Variants in XRCC4 observed in about 807,000 individuals in gnomAD.
XRCC4 encodes DNA repair protein XRCC4.
XRCC4 carries 28 observed loss-of-function variants against 39.1 expected under a neutral mutation model. That is an observed-to-expected ratio of 0.72 (90% CI 0.53 to 0.98). XRCC4 has a LOEUF of 0.98. Among genes scored for constraint, XRCC4 ranks in the 50% least tolerant of loss-of-function variants. XRCC4 has a pLI of 0.00. For synonymous variants in XRCC4, 123 were observed against 126.4 expected, an observed-to-expected ratio of 0.97 and a Z score of 0.18; for missense variants, 350 against 376.4, an observed-to-expected ratio of 0.93 and a Z score of 0.58.
intron 7 of XRCC4, among the ~76,000 whole-genome samples, chr5:83,341,682 T>C (rs1462022734): frequency 6.6e-6 from 1 of 152,080 alleles, no homozygotes; most frequent in Non-Finnish European, 1.5e-5. Flanking sequence ...AATGGCCTAG[T>C]GTAAAGGGTA....
intron 3 of XRCC4, among the ~76,000 whole-genome samples, chr5:83,157,261 G>A (rs1358232249): frequency 6.6e-6 from 1 of 152,090 alleles, no homozygotes; most frequent in Admixed American, 6.6e-5. Flanking sequence ...AGGTCTCTGT[G>A]TGATCACACT....
intron 7 of XRCC4, among the ~76,000 whole-genome samples, chr5:83,339,217 T>C (rs1756683217): frequency 6.6e-6 from 1 of 152,240 alleles, no homozygotes; most frequent in Non-Finnish European, 1.5e-5. Context: ...CAGAATTTTA[T>C]AGATTATTTC....
chr5:83,343,050 A>G (rs1756810905), intron 7 of XRCC4, among the ~76,000 whole-genome samples: 1 of 150,278 alleles, frequency 6.7e-6, no homozygotes, highest in Admixed American at 6.7e-5. Flanking sequence ...TGTCCTAAAA[A>G]CAAACCGTAA....
chr5:83,143,503 T>C (rs1748284083), intron 3 of XRCC4, among the ~76,000 whole-genome samples: 1 of 152,158 alleles, frequency 6.6e-6, no homozygotes, highest in African/African-American at 2.4e-5. Flanking sequence ...TAACATTCTG[T>C]TGTGGAGTTG....
intron 6 of XRCC4, among the ~76,000 whole-genome samples, chr5:83,209,058 C>T (rs1414509878): frequency 6.7e-6 from 1 of 149,894 alleles, no homozygotes; most frequent in Non-Finnish European, 1.5e-5. Flanking sequence ...CCTGCTTAGT[C>T]TGGACTCCTC....
At chr5:83,207,464 GT>G (rs748638720) in intron 6 of XRCC4, among the ~76,000 whole-genome samples, 72 of 152,010 alleles carry the variant, frequency 4.7e-4, no homozygotes, top group Middle Eastern at 3.4e-3. Flanking sequence ...ATAGGTCTCT[GT>G]TTTTATTTTT....
At chr5:83,147,238 A>T (rs562822580) in intron 3 of XRCC4, among the ~76,000 whole-genome samples, 4 of 152,226 alleles carry the variant, frequency 2.6e-5, no homozygotes, top group African/African-American at 9.6e-5. Flanking sequence ...AGCCTGGGCA[A>T]CATAGCGAGG....
chr5:83,373,074 G>A, the XRCC4 span, among the ~76,000 whole-genome samples: 1 of 151,948 alleles, frequency 6.6e-6, no homozygotes, highest in Admixed American at 6.6e-5. Context: ...TTTGAACACT[G>A]ATAGTCCTTC....
intron 7 of XRCC4, among the ~76,000 whole-genome samples, chr5:83,306,742 T>C (rs772128344): frequency 2.0e-5 from 3 of 152,150 alleles, no homozygotes. Flanking sequence ...ATAAGACTGA[T>C]CGGGCAACAG....
chr5:83,182,886 C>A (rs1156808305), intron 3 of XRCC4, among the ~76,000 whole-genome samples: 1 of 152,142 alleles, frequency 6.6e-6, no homozygotes, highest in African/African-American at 2.4e-5. Context: ...TCTTAGACTT[C>A]CTAGCTCCTA....
chr5:83,230,342 C>T (rs528133254), intron 6 of XRCC4, among the ~76,000 whole-genome samples: 170 of 152,044 alleles, frequency 1.1e-3, no homozygotes, highest in African/African-American at 3.9e-3. Flanking sequence ...CCTACACAGG[C>T]GTTCTATCTC....
rs578179377 is a variant in XRCC4, at chr5:83,078,303, T to C, written c.-11+688T>C. On this transcript the variant is annotated intron_variant, in intron 1 of 7. Transcript: ENST00000396027. ...GGAGAAACAGGCGCTTTGACATGTT[T>C]GAATTTGCGTAGTTCTTGGAATTCT... 8.5e-5 allele frequency among the ~76,000 whole-genome samples: 13 copies of C among 152,384 alleles called. No individual in the cohort carries two copies. In the South Asian group the frequency reaches 2.7e-3, roughly 32 times the overall value.
intron 7 of XRCC4, among the ~76,000 whole-genome samples, chr5:83,310,439 A>G (rs1755666569): frequency 6.6e-6 from 1 of 152,214 alleles, no homozygotes; most frequent in Admixed American, 6.5e-5. Context: ...CAAGAAAAAG[A>G]GCCTCCTGGC....
At chr5:83,359,871 T>G in the XRCC4 span, among the ~76,000 whole-genome samples, 10 of 152,138 alleles carry the variant, frequency 6.6e-5, no homozygotes, top group Non-Finnish European at 5.9e-5. Flanking sequence ...TATGTGTAAT[T>G]TTCCTAATAT....
chr5:83,141,087 T>A (rs1256885040), intron 3 of XRCC4, among the ~76,000 whole-genome samples: 1 of 152,238 alleles, frequency 6.6e-6, no homozygotes, highest in African/African-American at 2.4e-5. Flanking sequence ...TGCATTTTGC[T>A]TTTTTACATA....
intron 6 of XRCC4, among the ~76,000 whole-genome samples, chr5:83,245,570 T>A (rs1380068231): frequency 6.6e-6 from 1 of 152,128 alleles, no homozygotes; most frequent in Non-Finnish European, 1.5e-5. Context: ...ACTTTTTGAA[T>A]AATTGCATAA....
intron 3 of XRCC4, among the ~76,000 whole-genome samples, chr5:83,195,093 A>G (rs1257914507): frequency 6.6e-6 from 1 of 152,128 alleles, no homozygotes; most frequent in Non-Finnish European, 1.5e-5. Flanking sequence ...AATGGGGAAT[A>G]CCTGTGTTCT....
At position 83,119,706 on chromosome 5, in the gene XRCC4, T is replaced by A. The variant is rs9293331; in HGVS notation, c.315+8503T>A. 2.9e-3 allele frequency among the ~76,000 whole-genome samples: 449 copies of A among 152,270 alleles called. 2 individuals carry two copies. Among genetic ancestry groups the A allele is most frequent in the African/African-American group, 0.01 (429 of 41,560 alleles). On this transcript the variant is annotated intron_variant, in intron 3 of 7. Transcript: ENST00000396027. ...GCAGAAGTAGGCATGGCATAGTGGCTCATGCCTGTAATCCCAGCACTTTGG... is the reference window on the plus strand; with the variant it reads ...GCAGAAGTAGGCATGGCATAGTGGCACATGCCTGTAATCCCAGCACTTTGG...
intron 6 of XRCC4, among the ~76,000 whole-genome samples, chr5:83,225,959 G>A (rs1234025661): frequency 6.6e-6 from 1 of 151,952 alleles, no homozygotes; most frequent in African/African-American, 2.4e-5. Flanking sequence ...GGTTTAGGGT[G>A]GAGTCCTTCT....
Sources: gnomAD v4.1 joint callset for allele counts (sites outside exome capture counted in the v4.1 genomes callset) on GRCh38, gnomAD v4.1.1 for gene constraint, MANE v1.5 for transcripts, NCBI Gene and HGNC (gene_info 2026-07-23, HGNC 2026-07-21) for gene names.